The following BCAR3 variants were observed in gnomAD, a reference collection of about 807,000 sequenced individuals.
BCAR3 encodes breast cancer anti-estrogen resistance protein 3.
Under a neutral mutation model 80.1 loss-of-function variants are expected in BCAR3, and 37 were observed. The ratio of observed to expected loss-of-function variants is 0.46; its 90% confidence interval spans 0.36 to 0.61. The LOEUF is 0.61. Among genes scored for constraint, BCAR3 ranks in the 20% least tolerant of loss-of-function variants. The pLI is 0.00. For synonymous variants in BCAR3, 389 were observed against 418.9 expected (o/e 0.93, Z 0.87); for missense variants, 978 against 1,068.2 (o/e 0.92, Z 1.18).
In BCAR3 at chr1:93,584,054, G is replaced by A. The variant is rs765677379; in HGVS notation, c.997C>T (p.Leu333Phe). ...TAGCTCTCTGACTGGTGGGCTTTGA[G>A]GGACAAGGCTCTTCTGTCCTGCATG... ...DHMQDRRALS[L>F]KAHQSESYLP... Residue 333 changes from leucine to phenylalanine, a missense_variant, in exon 6 of 12, where the codon CTC becomes TTC. Leu to Phe is a conservative substitution (Grantham distance 22). Coordinates refer to ENST00000260502, the MANE Select transcript of BCAR3 (RefSeq NM_003567.4). 2 of 1,614,146 alleles carry A rather than the reference G, an allele frequency of 1.2e-6. No homozygotes were observed. The highest frequency in any genetic ancestry group is 1.7e-6 in the Non-Finnish European group (2 of 1,180,022).
chr1:93,737,138 C>T (rs1651000882), intron 2 of BCAR3, among the ~76,000 whole-genome samples: 1 of 152,072 alleles, frequency 6.6e-6, no homozygotes, highest in African/African-American at 2.4e-5. Flanking sequence ...TTTCAGAAAG[C>T]AAATTTTTGA....
chr1:93,702,773 T>C (rs1357921001), intron 3 of BCAR3, among the ~76,000 whole-genome samples: 4 of 152,228 alleles, frequency 2.6e-5, no homozygotes, highest in African/African-American at 7.2e-5. Context: ...ATTTCAGAAC[T>C]GAGCTTCAGC....
intron 2 of BCAR3, among the ~76,000 whole-genome samples, chr1:93,655,037 T>G (rs982064835): frequency 3.3e-5 from 5 of 152,222 alleles, no homozygotes; most frequent in Admixed American, 1.3e-4. Flanking sequence ...AGTTGCCCAG[T>G]GAGCATTTGC....
At chr1:93,658,268 G>T (rs1329930595) in intron 2 of BCAR3, among the ~76,000 whole-genome samples, 1 of 152,092 alleles carries the variant, frequency 6.6e-6, no homozygotes, top group Non-Finnish European at 1.5e-5. Flanking sequence ...CATTGTCCTG[G>T]AGGTCTTAGC....
intron 1 of BCAR3, among the ~76,000 whole-genome samples, chr1:93,676,118 T>C (rs1648475570): frequency 6.6e-6 from 1 of 151,966 alleles, no homozygotes; most frequent in Non-Finnish European, 1.5e-5. Context: ...CAGCCCTCTT[T>C]CCTCACAAAC....
intron 2 of BCAR3, among the ~76,000 whole-genome samples, chr1:93,813,587 T>G (rs1653921373): frequency 6.6e-6 from 1 of 152,244 alleles, no homozygotes; most frequent in African/African-American, 2.4e-5. Context: ...GCTCCATTTC[T>G]TTTGTGGCCT....
chr1:93,570,098 G>A (rs540730023), intron 9 of BCAR3, among the ~76,000 whole-genome samples: 4 of 152,166 alleles, frequency 2.6e-5, no homozygotes, highest in Non-Finnish European at 4.4e-5. Context: ...CAGTCTACCT[G>A]AAGAATTCTG....
intron 9 of BCAR3, among the ~76,000 whole-genome samples, chr1:93,569,433 C>T (rs1424626050): frequency 6.6e-6 from 1 of 152,230 alleles, no homozygotes; most frequent in African/African-American, 2.4e-5. Context: ...CCTCCTGCTG[C>T]CCACCATGCT....
chr1:93,715,324 C>CT, intron 2 of BCAR3, among the ~76,000 whole-genome samples: 1 of 152,132 alleles, frequency 6.6e-6, no homozygotes, highest in East Asian at 1.9e-4. Context: ...GTAAAATTGT[C>CT]TTTTTTCCCT....
intron 8 of BCAR3, among the ~76,000 whole-genome samples, chr1:93,575,755 C>G (rs527862470): frequency 1.3e-5 from 2 of 152,284 alleles, no homozygotes; most frequent in East Asian, 1.9e-4. Flanking sequence ...TGGCTTCAGG[C>G]CATCTATTCT....
At chr1:93,580,415 G>A (rs1343928848) in intron 7 of BCAR3, among the ~76,000 whole-genome samples, 1 of 151,724 alleles carries the variant, frequency 6.6e-6, no homozygotes, top group Admixed American at 6.6e-5. Flanking sequence ...GCCCACCATC[G>A]CCTGAGACAA....
At chr1:93,567,547 G>A in intron 10 of BCAR3, 56 bp from the exon 11 acceptor site, 2 of 1,575,426 alleles carry the variant, frequency 1.3e-6, no homozygotes, top group Non-Finnish European at 8.7e-7. Flanking sequence ...GTTAAGCACA[G>A]AATGAGGTGA....
At chr1:93,650,206 G>T (rs1416755273) in intron 2 of BCAR3, among the ~76,000 whole-genome samples, 1 of 152,156 alleles carries the variant, frequency 6.6e-6, no homozygotes, top group Non-Finnish European at 1.5e-5. Flanking sequence ...CCAACATGGT[G>T]AAACCTAGTC....
At chr1:93,616,895 C>G (rs886806823) in intron 3 of BCAR3, among the ~76,000 whole-genome samples, 9 of 152,222 alleles carry the variant, frequency 5.9e-5, no homozygotes, top group Non-Finnish European at 1.0e-4. Context: ...GGAAGGCTCA[C>G]TCCTTTGCAC....
chr1:93,708,137 A>C (rs980562440), intron 2 of BCAR3, among the ~76,000 whole-genome samples: 1 of 152,218 alleles, frequency 6.6e-6, no homozygotes, highest in Non-Finnish European at 1.5e-5. Context: ...GGAGATAACC[A>C]TATCCTTCTA....
chr1:93,692,559 C>A lies in BCAR3; in HGVS notation c.-12+13533G>T, dbSNP rs146350260. Among the ~76,000 whole-genome samples the A allele has an allele frequency of 6.0e-3, 909 of 152,298 alleles. 3 individuals are homozygous for A. Among genetic ancestry groups the A allele is most frequent in the Non-Finnish European group, 8.8e-3 (601 of 68,014 alleles). On this transcript the variant is annotated intron_variant, in intron 3 of 13. Transcript: ENST00000370244. ...CTTTGTGTGCATCATCTGAGTTAAT[C>A]CTTTCAGCAACCTAGAGAGGTGGGG... is the stretch of plus-strand genomic sequence containing the variant.
chr1:93,622,302 G>C (rs1444871992), intron 3 of BCAR3, among the ~76,000 whole-genome samples: 1 of 152,196 alleles, frequency 6.6e-6, no homozygotes, highest in African/African-American at 2.4e-5. Context: ...GGATCAAACA[G>C]CTCTTAAAGT....
At chr1:93,665,859 A>C (rs1358263450) in intron 2 of BCAR3, among the ~76,000 whole-genome samples, 2 of 152,148 alleles carry the variant, frequency 1.3e-5, no homozygotes, top group Non-Finnish European at 2.9e-5. Context: ...TCCCTATCTC[A>C]GCAAATGCCC....
chr1:93,719,342 T>G (rs921898417), intron 2 of BCAR3, among the ~76,000 whole-genome samples: 1 of 130,134 alleles, frequency 7.7e-6, no homozygotes, highest in South Asian at 2.7e-4. Flanking sequence ...TTGTTTTTTT[T>G]TTTTTTTTTT....
Sources: allele counts gnomAD v4.1 joint callset (sites outside exome capture counted in the v4.1 genomes callset), GRCh38; gene constraint gnomAD v4.1.1; transcripts MANE v1.5; gene names NCBI Gene and HGNC (gene_info 2026-07-23, HGNC 2026-07-21).